NCOA1: variants seen among roughly 807,000 people sequenced by gnomAD.
The protein encoded by NCOA1 is Hin-2 protein.
Under a neutral mutation model 150.9 loss-of-function variants are expected in NCOA1, and 35 were observed. That is an observed-to-expected ratio of 0.23 (90% CI 0.18 to 0.31). NCOA1 has a LOEUF of 0.31. Ranked by LOEUF, NCOA1 falls within the 10% of genes least tolerant of loss-of-function variation. The pLI is 1.00. For missense variants in NCOA1, 1,491 were observed against 1,749.3 expected (o/e 0.85, Z 2.63); for synonymous variants, 590 against 630.0 (o/e 0.94, Z 0.95).
intron 1 of NCOA1, among the ~76,000 whole-genome samples, chr2:24,494,497 A>T (rs550279229): frequency 4.2e-4 from 64 of 152,282 alleles, no homozygotes; most frequent in African/African-American, 1.4e-3. Context: ...GGTCAATACA[A>T]CGCACAACAC....
At chr2:24,588,883 G>A (rs1304239718) in intron 3 of NCOA1, among the ~76,000 whole-genome samples, 1 of 152,124 alleles carries the variant, frequency 6.6e-6, no homozygotes, top group Non-Finnish European at 1.5e-5. Context: ...GTATACTCAG[G>A]TGTGCAAAGA....
rs1899001 is a variant in NCOA1, at chr2:24,752,351, A to G, written c.3881+195A>G. Among the ~76,000 whole-genome samples, 153 of 152,370 alleles carry G rather than the reference A, an allele frequency of 1.0e-3. 2 individuals carry two copies. The East Asian group carries it at 0.027, about 27-fold the overall frequency. ...TATGTGTGGAGACAGAAAGCAGCACATAAGAACAGCCATGCTTTCATGGGC... is the reference window on the plus strand; with the variant it reads ...TATGTGTGGAGACAGAAAGCAGCACGTAAGAACAGCCATGCTTTCATGGGC... On this transcript the variant is annotated intron_variant, in intron 20 of 22. Transcript: ENST00000348332.
chr2:24,670,518 A>G (rs1257899611), intron 6 of NCOA1, among the ~76,000 whole-genome samples: 1 of 152,250 alleles, frequency 6.6e-6, no homozygotes, highest in Non-Finnish European at 1.5e-5. Context: ...ACTGATAAAT[A>G]ATTCAACATG....
At chr2:24,689,637 C>A (rs62142346) in intron 8 of NCOA1, among the ~76,000 whole-genome samples, 22,764 of 152,070 alleles carry the variant, frequency 0.15, 2,081 homozygotes, top group Non-Finnish European at 0.21. Context: ...ATGATCTGCC[C>A]GCCTCAGCCT....
intron 1 of NCOA1, among the ~76,000 whole-genome samples, chr2:24,510,007 G>C (rs1467090005): frequency 6.6e-6 from 1 of 152,220 alleles, no homozygotes; most frequent in Non-Finnish European, 1.5e-5. Flanking sequence ...AAATAGGAGT[G>C]AGGTTGGTAC....
intron 3 of NCOA1, among the ~76,000 whole-genome samples, chr2:24,632,581 G>C (rs1572517461): frequency 6.6e-6 from 1 of 152,236 alleles, no homozygotes; most frequent in South Asian, 2.1e-4. Context: ...CAGAACCCCT[G>C]GCCCCCTTCT....
Position 24,569,552 on chromosome 2 carries a change from A to ATTTTTTTTTTTT in NCOA1, c.-260+5138_-260+5149dup, listed in dbSNP as rs200639064. The stretch of plus-strand genomic sequence containing the variant: ...ATCCTCAAACTTGTTGGTTTTATTA[A>ATTTTTTTTTTTT]TTTTTTTTTTTTTTTTTTTTTTTTT... On this transcript the variant is annotated intron_variant, in intron 2 of 22. Transcript: ENST00000348332. 1.1e-4 allele frequency among the ~76,000 whole-genome samples: 10 copies of ATTTTTTTTTTTT among 93,790 alleles called. 1 individual carries two copies. The highest frequency in any genetic ancestry group is 2.0e-4 in the African/African-American group (5 of 24,928). The allele number at this position is 93,790 out of a possible 152,430, so 61.5% of individuals were successfully genotyped here.
intron 1 of NCOA1, among the ~76,000 whole-genome samples, chr2:24,509,089 G>A (rs1020391641): frequency 1.1e-4 from 16 of 152,132 alleles, no homozygotes; most frequent in Non-Finnish European, 8.8e-5. Flanking sequence ...TTGATCTTGC[G>A]TAATCAACAA....
intron 21 of NCOA1, among the ~76,000 whole-genome samples, chr2:24,759,857 G>A (rs904152926): frequency 2.0e-5 from 3 of 151,800 alleles, no homozygotes; most frequent in Non-Finnish European, 4.4e-5. Flanking sequence ...TGTCCCTCCT[G>A]TGCTACTGTT....
intron 1 of NCOA1, among the ~76,000 whole-genome samples, chr2:24,511,338 T>C (rs1177835090): frequency 6.6e-6 from 1 of 152,220 alleles, no homozygotes; most frequent in Non-Finnish European, 1.5e-5. Context: ...GTGTTTAACA[T>C]TGTGAGAACG....
chr2:24,589,240 G>A (rs55901621), intron 3 of NCOA1, among the ~76,000 whole-genome samples: 435 of 152,146 alleles, frequency 2.9e-3, no homozygotes, highest in Non-Finnish European at 4.8e-3. Context: ...ATCGTTTGAG[G>A]TACTACCAGA....
chr2:24,497,493 G>GAC (rs1663274668), intron 1 of NCOA1, among the ~76,000 whole-genome samples: 1 of 152,076 alleles, frequency 6.6e-6, no homozygotes, highest in African/African-American at 2.4e-5. Context: ...CCAATATGGT[G>GAC]ACACCCTGTC....
At chr2:24,760,192 T>C (rs1001055471) in intron 21 of NCOA1, among the ~76,000 whole-genome samples, 2 of 147,708 alleles carry the variant, frequency 1.4e-5, no homozygotes, top group African/African-American at 5.0e-5. Context: ...CAGGCTGGAG[T>C]GTGGTGGCAC....
intron 17 of NCOA1, among the ~76,000 whole-genome samples, chr2:24,730,134 G>A (rs765805260): frequency 1.2e-4 from 19 of 152,194 alleles, no homozygotes; most frequent in Non-Finnish European, 1.5e-4. Flanking sequence ...GTGAGCCACC[G>A]CACCCTGCCA....
intron 4 of NCOA1, among the ~76,000 whole-genome samples, chr2:24,654,330 C>T (rs1238029374): frequency 3.3e-5 from 5 of 152,154 alleles, no homozygotes; most frequent in Non-Finnish European, 5.9e-5. Flanking sequence ...GTTCCTTCCT[C>T]TCCAGTCACC....
rs1027702809 is a variant in NCOA1 at position 24,491,273 on chromosome 2, G to T, written c.-725G>T. ...GGCGGCGGCGGCGGTGGCGGCCGAGGAGGAGAACATGGCGGCCGCGGAGAG... is the reference window on the plus strand; with the variant it reads ...GGCGGCGGCGGCGGTGGCGGCCGAGTAGGAGAACATGGCGGCCGCGGAGAG... On this transcript the variant is annotated 5_prime_UTR_variant, in exon 1 of 23. Coordinates refer to ENST00000348332, the MANE Select transcript of NCOA1 (RefSeq NM_003743.5). Among the ~76,000 whole-genome samples, 43 of 147,410 alleles carry T rather than the reference G, an allele frequency of 2.9e-4. No individual in the cohort carries two copies. The highest frequency in any genetic ancestry group is 1.4e-3 in the Admixed American group (21 of 14,862).
intron 1 of NCOA1, among the ~76,000 whole-genome samples, chr2:24,547,091 A>G (rs1269936877): frequency 1.3e-5 from 2 of 152,206 alleles, no homozygotes; most frequent in African/African-American, 4.8e-5. Context: ...GAAATAATCA[A>G]TGGCGGCCAA....
At chr2:24,587,850 A>T (rs552659884) in intron 3 of NCOA1, among the ~76,000 whole-genome samples, 1 of 152,220 alleles carries the variant, frequency 6.6e-6, no homozygotes, top group East Asian at 1.9e-4. Context: ...TCCTGGTCCC[A>T]TGGACAAAAA....
chr2:24,658,022 C>A (rs1450521541), intron 4 of NCOA1, among the ~76,000 whole-genome samples: 3 of 152,240 alleles, frequency 2.0e-5, no homozygotes, highest in African/African-American at 4.8e-5. Flanking sequence ...GGCTGGTGTG[C>A]TAGGCGGAAT....
Sources: allele counts gnomAD v4.1 joint callset (sites outside exome capture counted in the v4.1 genomes callset), GRCh38; gene constraint gnomAD v4.1.1; transcripts MANE v1.5; gene names NCBI Gene and HGNC (gene_info 2026-07-23, HGNC 2026-07-21).